The following UBR1 variants were observed in gnomAD, a reference collection of about 807,000 sequenced individuals.
UBR1 encodes the protein ubiquitin protein ligase E3 component n-recognin 1, also known as E3 ubiquitin-protein ligase UBR1.
UBR1 carries 102 observed loss-of-function variants against 242.1 expected under a neutral mutation model. That is an observed-to-expected ratio of 0.42 (90% CI 0.36 to 0.50). The LOEUF is 0.50. Among genes scored for constraint, UBR1 ranks in the 20% least tolerant of loss-of-function variants. The pLI is 0.01. For synonymous variants in UBR1, 675 were observed against 684.8 expected (o/e 0.99, Z 0.22); for missense variants, 1,772 against 2,101.8 (o/e 0.84, Z 3.07).
intron 42 of UBR1, among the ~76,000 whole-genome samples, chr15:42,961,421 CTCTTTT>C (rs2032017601): frequency 2.0e-5 from 3 of 148,898 alleles, no homozygotes; most frequent in African/African-American, 7.4e-5. Context: ...GCCTATGTTC[CTCTTTT>C]TTTTTTTTTT....
chr15:43,068,086 A>G lies in UBR1; in HGVS notation c.660-50T>C, dbSNP rs112033112. 1,366 of 1,357,034 alleles carry G rather than the reference A, an allele frequency of 1.0e-3. 11 individuals are homozygous for G. The African/African-American group carries it at 0.018, about 18-fold the overall frequency. The allele number at this position is 1,357,034 out of a possible 1,614,324, so 84.1% of individuals were successfully genotyped here. A position where few individuals can be genotyped will look rare whatever the true frequency, so the allele number is the denominator to read the frequency against. On this transcript the variant is annotated intron_variant, in intron 5 of 46. Coordinates refer to ENST00000290650, the MANE Select transcript of UBR1 (RefSeq NM_174916.3). ...TTGGATACTACAACAAATAAAGGAA[A>G]AGTAAAAAAAAAAAAAAAAAAGACA...
At chr15:42,985,618 G>A (rs1323471889) in intron 35 of UBR1, among the ~76,000 whole-genome samples, 1 of 152,168 alleles carries the variant, frequency 6.6e-6, no homozygotes, top group Admixed American at 6.5e-5. Flanking sequence ...CTTCCAAAGT[G>A]CTGGGATTAC....
intron 1 of UBR1, among the ~76,000 whole-genome samples, chr15:43,087,564 T>C (rs1159892741): frequency 1.3e-5 from 2 of 152,160 alleles, no homozygotes; most frequent in African/African-American, 4.8e-5. Context: ...AACCTCAATA[T>C]TCCATGCACA....
chr15:43,000,740 T>C (rs1482894179), intron 32 of UBR1, among the ~76,000 whole-genome samples: 2 of 152,350 alleles, frequency 1.3e-5, no homozygotes, highest in East Asian at 3.9e-4. Flanking sequence ...AAATCAAAGA[T>C]AATTCTTTCT....
intron 1 of UBR1, among the ~76,000 whole-genome samples, chr15:43,105,671 AATAACAT>A (rs945117942): frequency 6.6e-6 from 1 of 152,188 alleles, no homozygotes; most frequent in Admixed American, 6.5e-5. Flanking sequence ...CAAACCGTCT[AATAACAT>A]CACTGGTTCT....
At chr15:43,043,847 A>G (rs950914247) in intron 14 of UBR1, among the ~76,000 whole-genome samples, 1 of 152,232 alleles carries the variant, frequency 6.6e-6, no homozygotes, top group African/African-American at 2.4e-5. Context: ...TGTAGGAAAC[A>G]TAAGATATAC....
intron 32 of UBR1, among the ~76,000 whole-genome samples, chr15:43,001,632 CA>C (rs970851500): frequency 1.6e-4 from 24 of 152,134 alleles, no homozygotes; most frequent in Admixed American, 3.9e-4. Flanking sequence ...TCATCATGTA[CA>C]ACAGTGAGAA....
intron 39 of UBR1, among the ~76,000 whole-genome samples, chr15:42,976,481 T>A (rs891905824): frequency 1.3e-5 from 2 of 152,140 alleles, no homozygotes; most frequent in East Asian, 1.9e-4. Flanking sequence ...GTCCAAGTGG[T>A]CTCCCTGCAT....
chr15:42,964,393 C>T (rs1206245836), intron 41 of UBR1, among the ~76,000 whole-genome samples: 1 of 151,914 alleles, frequency 6.6e-6, no homozygotes, highest in Non-Finnish European at 1.5e-5. Flanking sequence ...TGCTTGAACC[C>T]GGGAGGTGGA....
In UBR1 at chr15:42,998,937, C is replaced by CTTTTTTT. The variant is rs35098054; in HGVS notation, c.3660-679_3660-673dup. ...TGGGGTTCCAAACTTGGAGCCTTTGCTTTTTTTTTTTTTTTTTTGAGATGG... is the reference window on the plus strand; with the variant it reads ...TGGGGTTCCAAACTTGGAGCCTTTGCTTTTTTTTTTTTTTTTTTTTTTTTTGAGATGG... On this transcript the variant is annotated intron_variant, in intron 32 of 46. Coordinates refer to ENST00000290650, the MANE Select transcript of UBR1 (RefSeq NM_174916.3). 6.6e-5 allele frequency among the ~76,000 whole-genome samples: 8 copies of CTTTTTTT among 121,268 alleles called. 1 individual carries two copies. The highest frequency in any genetic ancestry group is 3.3e-5 in the Non-Finnish European group (2 of 60,072). The allele number at this position is 121,268 out of a possible 152,430, so 79.6% of individuals were successfully genotyped here.
intron 26 of UBR1, among the ~76,000 whole-genome samples, chr15:43,022,398 T>C (rs1475127232): frequency 1.4e-5 from 2 of 146,730 alleles, no homozygotes; most frequent in Non-Finnish European, 3.0e-5. Context: ...AATACTGAGA[T>C]GAGGAATGAA....
At chr15:42,980,264 A>C (rs2032355074) in intron 37 of UBR1, among the ~76,000 whole-genome samples, 1 of 152,218 alleles carries the variant, frequency 6.6e-6, no homozygotes, top group Non-Finnish European at 1.5e-5. Context: ...TTCTGTTGAA[A>C]TCAAAAGTCA....
intron 46 of UBR1, among the ~76,000 whole-genome samples, chr15:42,948,890 A>T (rs2031781294): frequency 6.6e-6 from 1 of 152,144 alleles, no homozygotes; most frequent in Non-Finnish European, 1.5e-5. Flanking sequence ...AAGGATCTAG[A>T]ACTAGAAATA....
intron 11 of UBR1, 23 bp downstream of exon 11, chr15:43,056,321 G>A: frequency 6.5e-7 from 1 of 1,546,024 alleles, no homozygotes; most frequent in South Asian, 1.1e-5. Context: ...TAGAAAGACT[G>A]AAAAGGAATA....
chr15:43,058,359 A>G lies in UBR1; in HGVS notation c.1164T>C (p.Phe388=), dbSNP rs765865717. The change falls in exon 10 of 47, where the codon TTT becomes TTC. Residue 388 remains phenylalanine (F), a synonymous_variant. Coordinates refer to ENST00000290650, the MANE Select transcript of UBR1 (RefSeq NM_174916.3). ...TAATTACCTTCACAAATTCCATAGC[A>G]AAGAGTTTTTTGTATTCCATCTCCA... ...FFMEMEYKKL[F]AMEFVKYYKQ... 1.9e-6 allele frequency: 3 copies of G among 1,608,416 alleles called. No homozygotes were observed. The highest frequency in any genetic ancestry group is 2.5e-6 in the Non-Finnish European group (3 of 1,176,510).
At chr15:43,104,392 A>T (rs2034272402) in intron 1 of UBR1, among the ~76,000 whole-genome samples, 2 of 152,194 alleles carry the variant, frequency 1.3e-5, no homozygotes, top group Non-Finnish European at 2.9e-5. Context: ...TAACAAGCAA[A>T]ACTCACAAAC....
intron 1 of UBR1, 108 bp from the exon 2 acceptor site, chr15:43,086,348 A>C: frequency 7.4e-7 from 1 of 1,359,926 alleles, no homozygotes; most frequent in Non-Finnish European, 9.9e-7. Context: ...TTTACAGTAT[A>C]TTTCATCTTT....
At chr15:43,045,424 G>A (rs755498947) in intron 14 of UBR1, among the ~76,000 whole-genome samples, 2 of 152,036 alleles carry the variant, frequency 1.3e-5, no homozygotes, top group African/African-American at 4.8e-5. Flanking sequence ...CCATGATAGC[G>A]CCACTATACT....
rs756014691 is a variant in UBR1 at position 43,017,117 on chromosome 15, G to A, written c.3005C>T (p.Ser1002Leu). Residue 1002 changes from serine (S) to leucine (L), a missense_variant, in exon 28 of 47, where the codon TCG (serine) becomes TTG (leucine). Around this residue, in one of 3 missense-constraint regions of UBR1, gnomAD observed 965 missense variants for 1,079.7 expected, o/e 0.89. Transcript: ENST00000290650. ...SCLIVATTSG[S>L]ESIKNDEITH... ...TACCTCATCATTCTTAATAGATTCC[G>A]ATCCTGATGTGGTTGCTACAATTAA... is the stretch of plus-strand genomic sequence containing the variant. 1.1e-5 allele frequency: 18 copies of A among 1,613,278 alleles called. No homozygotes were observed. The highest frequency in any genetic ancestry group is 4.0e-5 in the African/African-American group (3 of 74,878).
Sources: allele counts gnomAD v4.1 joint callset (sites outside exome capture counted in the v4.1 genomes callset), GRCh38; gene constraint gnomAD v4.1.1; regional missense constraint gnomAD v4.1.1; transcripts MANE v1.5; gene names NCBI Gene and HGNC (gene_info 2026-07-23, HGNC 2026-07-21).